Variants in RHBDL2 observed in about 807,000 individuals in gnomAD.
The protein encoded by RHBDL2 is rhomboid-related protein 2.
Under a neutral mutation model 31.7 loss-of-function variants are expected in RHBDL2, and 26 were observed. That is an observed-to-expected ratio of 0.82 (90% CI 0.60 to 1.14). The LOEUF (loss-of-function observed/expected upper bound fraction) is 1.14, where lower values mean the gene tolerates loss of function less well. RHBDL2 is among the 50% of genes most tolerant of loss of function. The probability of loss-of-function intolerance (pLI) is 0.00; values close to 1 mark genes in which losing one functional copy is unlikely to be tolerated. For missense variants in RHBDL2, 336 were observed against 364.4 expected (o/e 0.92, Z 0.63); for synonymous variants, 123 against 127.2 (o/e 0.97, Z 0.22).
intron 1 of RHBDL2, among the ~76,000 whole-genome samples, chr1:38,939,685 G>A (rs1485497484): frequency 6.6e-6 from 1 of 151,722 alleles, no homozygotes; most frequent in Non-Finnish European, 1.5e-5. Context: ...GACTACAGGT[G>A]CACACCACCA....
chr1:38,894,907 A>G (rs1642897078), intron 5 of RHBDL2, among the ~76,000 whole-genome samples: 1 of 151,964 alleles, frequency 6.6e-6, no homozygotes, highest in African/African-American at 2.4e-5. Flanking sequence ...GGGTTTCACC[A>G]TATTGGCCTG....
intron 5 of RHBDL2, among the ~76,000 whole-genome samples, chr1:38,895,676 C>T (rs11211582): frequency 0.2 from 30,892 of 151,940 alleles, 3,663 homozygotes; most frequent in African/African-American, 0.32. Context: ...TGGTGGCCCA[C>T]ACCTGTAGTC....
At chr1:38,941,313 T>G (rs953809103) in intron 1 of RHBDL2, among the ~76,000 whole-genome samples, 1 of 152,100 alleles carries the variant, frequency 6.6e-6, no homozygotes, top group Admixed American at 6.6e-5. Context: ...ACTGGCTTAG[T>G]TGGAGTTAGA....
At chr1:38,905,750 GAA>G (rs36067930) in intron 4 of RHBDL2, among the ~76,000 whole-genome samples, 8 of 117,704 alleles carry the variant, frequency 6.8e-5, no homozygotes, top group Admixed American at 8.9e-5. Context: ...TCTGTCTCAA[GAA>G]AAAAAAAAAA....
chr1:38,898,041 G>A (rs747119889), intron 4 of RHBDL2, among the ~76,000 whole-genome samples: 2 of 152,216 alleles, frequency 1.3e-5, no homozygotes, highest in Non-Finnish European at 2.9e-5. Flanking sequence ...TGAGGCAGGA[G>A]AATAGCTTGA....
At position 38,912,932 on chromosome 1, in the gene RHBDL2, G is replaced by GTC. The variant is rs1405479656; in HGVS notation, c.396-1499_396-1498insGA. ...TATATGTGTGTGTGTGTGTGTGTGT[G>GTC]TGTGTGTGTGTGTGTGTATTTACAT... On this transcript the variant is annotated intron_variant, in intron 3 of 7. Coordinates refer to ENST00000372990, the MANE Select transcript of RHBDL2 (RefSeq NM_017821.5). 4.1e-4 allele frequency among the ~76,000 whole-genome samples: 51 copies of GTC among 123,756 alleles called. 2 individuals carry two copies. Among genetic ancestry groups the GTC allele is most frequent in the African/African-American group, 1.6e-3 (47 of 29,054 alleles). 81.2% of individuals were successfully genotyped at this position (123,756 alleles called of 152,430 possible). A position where few individuals can be genotyped will look rare whatever the true frequency, so the allele number is the denominator to read the frequency against.
chr1:38,925,950 T>C (rs886344505), intron 1 of RHBDL2: 2 of 1,270,530 alleles, frequency 1.6e-6, no homozygotes, highest in Non-Finnish European at 2.1e-6. Flanking sequence ...AACTAATAAA[T>C]TACCAAAATT....
rs763770112 is a variant in RHBDL2 at position 38,919,070 on chromosome 1, A to G, written c.143T>C (p.Ile48Thr). 12 of 1,614,040 alleles carry G rather than the reference A, an allele frequency of 7.4e-6. No individual in the cohort carries two copies. Among genetic ancestry groups the G allele is most frequent in the Non-Finnish European group, 1.0e-5 (12 of 1,179,998 alleles). Residue 48 changes from isoleucine to threonine, a missense_variant, in exon 2 of 8, where the codon ATT (isoleucine) becomes ACT (threonine). Physicochemically the swap from Ile to Thr is moderately conservative, Grantham distance 89. Transcript: ENST00000372990. ...TTCGGGCAGCATCCATTTTGAGACA[A>G]TCCTGTGGACCTTTTTACTCTTGGC... Reference protein sequence around the residue: ...DRAKSKKVHRIVSKWMLPEKS... With the variant: ...DRAKSKKVHRTVSKWMLPEKS...
Position 38,886,425 on chromosome 1 carries a change from G to T in RHBDL2, c.*79C>A. The T allele has an allele frequency of 2.6e-6, 3 of 1,139,138 alleles. No individual in the cohort carries two copies. The highest frequency in any genetic ancestry group is 2.4e-6 in the Non-Finnish European group (2 of 831,382). 70.6% of individuals were successfully genotyped at this position (1,139,138 alleles called of 1,614,324 possible). A position where few individuals can be genotyped will look rare whatever the true frequency, so the allele number is the denominator to read the frequency against. ...TGTTAGCCTTTTCTGAGACTTCTCT[G>T]TTTCTTCATAGAGTCTTCCTTTTTT... On this transcript the variant is annotated 3_prime_UTR_variant, in exon 8 of 8. Transcript: ENST00000372990.
chr1:38,922,804 G>T (rs1643331066), intron 1 of RHBDL2, among the ~76,000 whole-genome samples: 1 of 151,860 alleles, frequency 6.6e-6, no homozygotes, highest in Non-Finnish European at 1.5e-5. Flanking sequence ...CAATGAAAAA[G>T]ACTTAGGCCG....
chr1:38,907,132 T>C (rs1643076532), intron 4 of RHBDL2, among the ~76,000 whole-genome samples: 1 of 152,226 alleles, frequency 6.6e-6, no homozygotes, highest in Non-Finnish European at 1.5e-5. Flanking sequence ...TATAATGGTG[T>C]AAAAGCAATT....
Position 38,919,357 on chromosome 1 carries a change from A to G in RHBDL2, c.-125-20T>C. On this transcript the variant is annotated intron_variant, in intron 1 of 7. Coordinates refer to ENST00000372990, the MANE Select transcript of RHBDL2 (RefSeq NM_017821.5). ...CCTTTCCTGTATGTGAAGAGAAGAC[A>G]GCTGAAGATGATCAAAATGATCTAA... 6.5e-7 allele frequency: 1 copy of G among 1,548,560 alleles called. No homozygotes were observed. Among genetic ancestry groups the G allele is most frequent in the South Asian group, 1.2e-5 (1 of 83,182 alleles).
Position 38,896,022 on chromosome 1 carries a change from C to T in RHBDL2, c.556G>A (p.Ala186Thr). The change falls in exon 5 of 8, where the codon GCT (alanine) becomes ACT (threonine). Residue 186 changes from alanine to threonine, a missense_variant. Physicochemically the swap from Ala to Thr is moderately conservative, Grantham distance 58. Transcript: ENST00000372990. ...ATCAGAGCATAGACTCCTCCTGAAGCTCCCACAAGATATCTGAGTGGGTCA... is the reference window on the plus strand; with the variant it reads ...ATCAGAGCATAGACTCCTCCTGAAGTTCCCACAAGATATCTGAGTGGGTCA... ...IFDPLRYLVG[A>T]SGGVYALMGG... 6.2e-7 allele frequency: 1 copy of T among 1,613,964 alleles called. No individual in the cohort carries two copies. The highest frequency in any genetic ancestry group is 8.5e-7 in the Non-Finnish European group (1 of 1,179,942).
chr1:38,919,522 T>C (rs551391379), intron 1 of RHBDL2, 185 bp from the exon 2 acceptor site: 70 of 293,808 alleles, frequency 2.4e-4, no homozygotes, highest in East Asian at 1.5e-4. Flanking sequence ...TCTCCAAGCC[T>C]CAAATTACAT....
chr1:38,915,408 A>G (rs1330020379), intron 3 of RHBDL2, 154 bp downstream of exon 3: 1 of 694,424 alleles, frequency 1.4e-6, no homozygotes, highest in Non-Finnish European at 2.4e-6. Context: ...TATGCCTCAG[A>G]CATAAAACAG....
intron 1 of RHBDL2, among the ~76,000 whole-genome samples, chr1:38,923,955 C>A (rs927342527): frequency 1.3e-5 from 2 of 152,040 alleles, no homozygotes; most frequent in Non-Finnish European, 2.9e-5. Context: ...ATGTCTCTAG[C>A]CTTCTGGTTA....
intron 2 of RHBDL2, among the ~76,000 whole-genome samples, chr1:38,917,175 G>T (rs1340265818): frequency 6.6e-6 from 1 of 151,454 alleles, no homozygotes; most frequent in Non-Finnish European, 1.5e-5. Flanking sequence ...CCGCCACCAT[G>T]CCCGGCTAAT....
At chr1:38,936,318 G>A (rs888345564) in intron 1 of RHBDL2, among the ~76,000 whole-genome samples, 2 of 151,546 alleles carry the variant, frequency 1.3e-5, no homozygotes, top group African/African-American at 4.9e-5. Context: ...GGTTTTTGGG[G>A]GTTTTTTTGA....
At chr1:38,909,645 G>A (rs1643114831) in intron 4 of RHBDL2, among the ~76,000 whole-genome samples, 1 of 152,062 alleles carries the variant, frequency 6.6e-6, no homozygotes, top group African/African-American at 2.4e-5. Context: ...AGGAGGCTGA[G>A]GCGGGAGAAT....
Sources: gnomAD v4.1 joint callset for allele counts (sites outside exome capture counted in the v4.1 genomes callset) on GRCh38, gnomAD v4.1.1 for gene constraint, MANE v1.5 for transcripts, NCBI Gene and HGNC (gene_info 2026-07-23, HGNC 2026-07-21) for gene names.